The following CCDC170 variants were observed in gnomAD, a reference collection of about 807,000 sequenced individuals.
CCDC170 encodes coiled-coil domain-containing protein 170.
In CCDC170, 69 loss-of-function variants were observed where a neutral mutation model predicts 72.6. The observed-to-expected ratio is 0.95, with a 90% CI of 0.78 to 1.16. The LOEUF is 1.16. Ranked by LOEUF, CCDC170 falls within the 50% of genes most tolerant of loss-of-function variation. CCDC170 has a pLI of 0.00. For missense variants in CCDC170, 852 were observed against 832.5 expected, an observed-to-expected ratio of 1.02 and a Z score of -0.29; for synonymous variants, 300 against 303.9, an observed-to-expected ratio of 0.99 and a Z score of 0.13.
At chr6:151,543,019 G>T (rs573824434) in intron 3 of CCDC170, among the ~76,000 whole-genome samples, 1 of 151,902 alleles carries the variant, frequency 6.6e-6, no homozygotes, top group East Asian at 1.9e-4. Context: ...TTTGAATAGC[G>T]TGAAGGAATT....
chr6:151,517,619 T>G (rs1452443846), intron 1 of CCDC170, among the ~76,000 whole-genome samples: 2 of 151,938 alleles, frequency 1.3e-5, no homozygotes, highest in Admixed American at 6.6e-5. Context: ...TCTTTTTGTA[T>G]TTTTAGTAGA....
At chr6:151,569,489 A>G (rs1347155895) in intron 5 of CCDC170, among the ~76,000 whole-genome samples, 1 of 152,248 alleles carries the variant, frequency 6.6e-6, no homozygotes, top group African/African-American at 2.4e-5. Flanking sequence ...GATCCCCATC[A>G]CAGTCTATAG....
At chr6:151,617,603 G>A (rs906836695) in intron 10 of CCDC170, among the ~76,000 whole-genome samples, 3 of 151,994 alleles carry the variant, frequency 2.0e-5, no homozygotes, top group African/African-American at 4.8e-5. Context: ...GCAGCCCTTC[G>A]ACGTAGGTGT....
intron 5 of CCDC170, 109 bp downstream of exon 5, chr6:151,548,598 T>A: frequency 2.0e-6 from 2 of 1,018,136 alleles, no homozygotes; most frequent in African/African-American, 3.2e-5. Flanking sequence ...CGATTTTTTT[T>A]ATTGATCACA....
Position 151,538,176 on chromosome 6 carries a change from G to A in CCDC170, c.318G>A (p.Gln106=), listed in dbSNP as rs1430926703. Reference sequence around the variant, plus strand: ...TTACCTCTTTGAGAGACAGAGTTCAGGAACTAGAAGAAGAATCAGCAGCAC... The same window carrying A: ...TTACCTCTTTGAGAGACAGAGTTCAAGAACTAGAAGAAGAATCAGCAGCAC... ...SLLTSLRDRV[Q]ELEEESAALS... Residue 106 remains glutamine (Q), a synonymous_variant, in exon 3 of 11, where the codon CAG becomes CAA. Transcript: ENST00000239374. 3.7e-6 allele frequency: 6 copies of A among 1,613,868 alleles called. No homozygotes were observed. The African/African-American group carries it at 8.0e-5, about 22-fold the overall frequency.
At chr6:151,548,664 T>C (rs1292918459) in intron 5 of CCDC170, among the ~76,000 whole-genome samples, 175 bp downstream of exon 5, 1 of 152,146 alleles carries the variant, frequency 6.6e-6, no homozygotes, top group Admixed American at 6.5e-5. Context: ...ACAAAGTGAC[T>C]TGAACAGGCC....
chr6:151,564,604 G>A (rs961885507), intron 5 of CCDC170, among the ~76,000 whole-genome samples: 1 of 152,198 alleles, frequency 6.6e-6, no homozygotes, highest in African/African-American at 2.4e-5. Context: ...GACAGTGGCT[G>A]TGATGGCTGG....
intron 9 of CCDC170, among the ~76,000 whole-genome samples, chr6:151,614,332 C>G (rs1208690218): frequency 5.3e-5 from 8 of 152,134 alleles, no homozygotes; most frequent in Non-Finnish European, 1.0e-4. Flanking sequence ...TATGAATTAG[C>G]CTATTCTACG....
chr6:151,497,615 G>T (rs980679570), intron 1 of CCDC170, among the ~76,000 whole-genome samples: 1 of 152,102 alleles, frequency 6.6e-6, no homozygotes, highest in Non-Finnish European at 1.5e-5. Context: ...TATGCTTTGG[G>T]GGAAGTTTAC....
intron 1 of CCDC170, among the ~76,000 whole-genome samples, chr6:151,506,169 T>C (rs1354541401): frequency 6.6e-6 from 1 of 152,176 alleles, no homozygotes; most frequent in Non-Finnish European, 1.5e-5. Flanking sequence ...GCCTGAGTTA[T>C]ATCCTCATGG....
intron 1 of CCDC170, among the ~76,000 whole-genome samples, chr6:151,526,249 G>A (rs562407432): frequency 5.2e-4 from 77 of 148,542 alleles, no homozygotes; most frequent in African/African-American, 8.9e-4. Context: ...TTGAGATGGC[G>A]TCTCTCTCTG....
intron 9 of CCDC170, among the ~76,000 whole-genome samples, chr6:151,610,197 C>T (rs1776848460): frequency 6.6e-6 from 1 of 152,060 alleles, no homozygotes; most frequent in Admixed American, 6.5e-5. Flanking sequence ...TGTAATGTCC[C>T]CATTTTATAA....
chr6:151,542,626 A>G (rs1782709641), intron 3 of CCDC170, among the ~76,000 whole-genome samples: 1 of 152,260 alleles, frequency 6.6e-6, no homozygotes, highest in African/African-American at 2.4e-5. Context: ...GTTCCACTAA[A>G]AAAATTACTA....
chr6:151,600,571 C>T (rs1776691511), intron 9 of CCDC170, among the ~76,000 whole-genome samples: 1 of 151,996 alleles, frequency 6.6e-6, no homozygotes, highest in African/African-American at 2.4e-5. Flanking sequence ...CTGCAAAGGC[C>T]CTTATCTAAA....
At chr6:151,535,888 G>C (rs1782568114) in intron 1 of CCDC170, among the ~76,000 whole-genome samples, 1 of 151,998 alleles carries the variant, frequency 6.6e-6, no homozygotes, top group Non-Finnish European at 1.5e-5. Flanking sequence ...TAGGACTACA[G>C]GTCATGACAC....
intron 9 of CCDC170, among the ~76,000 whole-genome samples, chr6:151,604,328 T>A (rs1776753059): frequency 6.6e-6 from 1 of 152,156 alleles, no homozygotes; most frequent in Admixed American, 6.5e-5. Flanking sequence ...TTTCTGGGAC[T>A]GCTTTGAGCT....
intron 1 of CCDC170, among the ~76,000 whole-genome samples, chr6:151,533,278 T>A (rs545275918): frequency 9.9e-5 from 15 of 151,704 alleles, no homozygotes; most frequent in East Asian, 6.0e-4. Context: ...ATGGTCTCGA[T>A]CTCCTGACCT....
At chr6:151,523,038 A>C (rs1028599537) in intron 1 of CCDC170, among the ~76,000 whole-genome samples, 2 of 152,156 alleles carry the variant, frequency 1.3e-5, no homozygotes, top group African/African-American at 2.4e-5. Flanking sequence ...TTCCAGTTAC[A>C]GTAGAATTGT....
chr6:151,617,706 GCCAATA>G (rs1330939527), intron 10 of CCDC170, among the ~76,000 whole-genome samples: 1 of 152,010 alleles, frequency 6.6e-6, no homozygotes, highest in Admixed American at 6.5e-5. Context: ...TGACTTAGTA[GCCAATA>G]CCACATCAGT....
Sources: gnomAD v4.1 joint callset for allele counts (sites outside exome capture counted in the v4.1 genomes callset) on GRCh38, gnomAD v4.1.1 for gene constraint, MANE v1.5 for transcripts, NCBI Gene and HGNC (gene_info 2026-07-23, HGNC 2026-07-21) for gene names.